IGF1R: variants seen among roughly 807,000 people sequenced by gnomAD.
IGF1R encodes insulin like growth factor 1 receptor.
Under a neutral mutation model 144.6 loss-of-function variants are expected in IGF1R, and 44 were observed. That is an observed-to-expected ratio of 0.30 (90% CI 0.24 to 0.39). The LOEUF is 0.39. IGF1R is among the 10% of genes least tolerant of loss of function. The probability of loss-of-function intolerance (pLI) is 1.00; values close to 1 mark genes in which losing one functional copy is unlikely to be tolerated. For missense variants in IGF1R, 1,355 were observed against 1,833.7 expected, an observed-to-expected ratio of 0.74 and a Z score of 4.77; for synonymous variants, 795 against 722.8, an observed-to-expected ratio of 1.10 and a Z score of -1.60.
At chr15:98,686,134 T>C (rs2053322991) in intron 1 of IGF1R, among the ~76,000 whole-genome samples, 1 of 152,266 alleles carries the variant, frequency 6.6e-6, no homozygotes, top group Non-Finnish European at 1.5e-5. Context: ...ACTCGTACAC[T>C]ATTTGTCCTT....
At chr15:98,654,580 A>C (rs1224342443) in intron 1 of IGF1R, among the ~76,000 whole-genome samples, 2 of 152,198 alleles carry the variant, frequency 1.3e-5, no homozygotes, top group African/African-American at 4.8e-5. Flanking sequence ...ATTGTAAAGC[A>C]TACAAGATAC....
At chr15:98,786,622 C>CT (rs2056004225) in intron 2 of IGF1R, among the ~76,000 whole-genome samples, 1 of 152,184 alleles carries the variant, frequency 6.6e-6, no homozygotes, top group Admixed American at 6.5e-5. Context: ...TCTGTTGCCT[C>CT]TAATACAGTG....
At chr15:98,716,522 C>A (rs1362078564) in intron 2 of IGF1R, among the ~76,000 whole-genome samples, 1 of 152,198 alleles carries the variant, frequency 6.6e-6, no homozygotes, top group Non-Finnish European at 1.5e-5. Context: ...CTAATCTGTA[C>A]CTGCCACTGG....
intron 2 of IGF1R, among the ~76,000 whole-genome samples, chr15:98,874,893 A>G (rs1456105090): frequency 1.3e-5 from 2 of 152,128 alleles, no homozygotes; most frequent in Non-Finnish European, 2.9e-5. Flanking sequence ...TCTCCAGAGC[A>G]CTCCATTTAA....
intron 2 of IGF1R, among the ~76,000 whole-genome samples, chr15:98,872,816 T>G (rs1487593417): frequency 2.0e-5 from 3 of 151,858 alleles, no homozygotes; most frequent in Non-Finnish European, 4.4e-5. Context: ...CTTAAAATTT[T>G]AAACATTGAC....
At chr15:98,751,086 C>T (rs1343310645) in intron 2 of IGF1R, among the ~76,000 whole-genome samples, 1 of 152,148 alleles carries the variant, frequency 6.6e-6, no homozygotes, top group Non-Finnish European at 1.5e-5. Flanking sequence ...CCATCATGCC[C>T]GGCCTTCTTC....
At chr15:98,886,541 T>A (rs185375429) in intron 2 of IGF1R, among the ~76,000 whole-genome samples, 132 of 152,332 alleles carry the variant, frequency 8.7e-4, no homozygotes, top group African/African-American at 3.1e-3. Context: ...ATTTTCCTCC[T>A]ATTTTTAAAA....
At chr15:98,835,108 CA>C (rs1359917108) in intron 2 of IGF1R, among the ~76,000 whole-genome samples, 2,230 of 144,654 alleles carry the variant, frequency 0.015, 24 homozygotes, top group South Asian at 0.021. Context: ...CACACACACA[CA>C]CCCCTACACC....
At chr15:98,781,523 C>A (rs756215524) in intron 2 of IGF1R, among the ~76,000 whole-genome samples, 2 of 152,092 alleles carry the variant, frequency 1.3e-5, no homozygotes, top group Non-Finnish European at 2.9e-5. Context: ...TCTCAGTTTT[C>A]CATTTATATT....
intron 2 of IGF1R, among the ~76,000 whole-genome samples, chr15:98,842,020 C>A (rs1249505857): frequency 1.3e-5 from 2 of 152,128 alleles, no homozygotes; most frequent in East Asian, 3.9e-4. Context: ...AAGCAGTGTT[C>A]TTTTGTGTTT....
At chr15:98,663,584 C>G (rs1057322745) in intron 1 of IGF1R, among the ~76,000 whole-genome samples, 1 of 152,204 alleles carries the variant, frequency 6.6e-6, no homozygotes, top group Non-Finnish European at 1.5e-5. Flanking sequence ...GAAACTGTTT[C>G]AGGTGAGCGC....
At chr15:98,776,798 A>C (rs1295592700) in intron 2 of IGF1R, among the ~76,000 whole-genome samples, 2 of 152,180 alleles carry the variant, frequency 1.3e-5, no homozygotes, top group East Asian at 1.9e-4. Flanking sequence ...TCCACAGATA[A>C]GCCCAAAAGA....
intron 2 of IGF1R, among the ~76,000 whole-genome samples, chr15:98,791,823 G>A (rs1451854455): frequency 1.3e-5 from 2 of 152,220 alleles, no homozygotes; most frequent in Admixed American, 1.3e-4. Flanking sequence ...CATGTTTAAC[G>A]TTCCTGTTAT....
chr15:98,788,894 G>A (rs1567129981), intron 2 of IGF1R, among the ~76,000 whole-genome samples: 1 of 151,970 alleles, frequency 6.6e-6, no homozygotes, highest in Admixed American at 6.5e-5. Context: ...TTTCTCCGTA[G>A]TTATTTCTAG....
Position 98,948,656 on chromosome 15 carries a change from T to C in IGF1R, c.3670T>C (p.Phe1224Leu). 1 of 1,614,188 alleles carries C rather than the reference T, an allele frequency of 6.2e-7. No homozygotes were observed. The highest frequency in any genetic ancestry group is 8.5e-7 in the Non-Finnish European group (1 of 1,180,016). ...CTTGTCCAACGAGCAAGTCCTTCGC[T>C]TCGTCATGGAGGGCGGCCTTCTGGA... ...QGLSNEQVLR[F>L]VMEGGLLDKP... The change falls in exon 20 of 21, where the codon TTC becomes CTC. Residue 1224 changes from phenylalanine to leucine, a missense_variant. By Grantham distance (22) the Phe-to-Leu change is conservative (BLOSUM62 0). Transcript: ENST00000650285.
chr15:98,753,243 TAAA>T lies in IGF1R; in HGVS notation c.640+45137_640+45139del, dbSNP rs527714874. Among the ~76,000 whole-genome samples, 169 of 148,450 alleles carry T rather than the reference TAAA, an allele frequency of 1.1e-3. 1 individual carries two copies. The highest frequency in any genetic ancestry group is 0.01 in the Middle Eastern group (3 of 286). ...ATTACGTCCAGCCTTTTTTTTTTTT[TAAA>T]TAAAGAGGGTCTCAGGCTGGCGTGC... On this transcript the variant is annotated intron_variant, in intron 2 of 20. Transcript: ENST00000650285.
Position 98,707,776 on chromosome 15 carries a change from C to T in IGF1R, c.309C>T (p.Leu103=), listed in dbSNP as rs1214386898. ...GCCTCGGAGACCTCTTCCCCAACCT[C>T]ACGGTCATCCGCGGCTGGAAACTCT... ...LESLGDLFPN[L]TVIRGWKLFY... Residue 103 remains leucine (L), a synonymous_variant, in exon 2 of 21, where the codon CTC becomes CTT. Coordinates refer to ENST00000650285, the MANE Select transcript of IGF1R (RefSeq NM_000875.5). The surrounding 1 kb of genome is among the most constrained non-coding windows in gnomAD (Gnocchi z 6.7). 1 of 1,614,078 alleles carries T rather than the reference C, an allele frequency of 6.2e-7. No homozygotes were observed. Among genetic ancestry groups the T allele is most frequent in the Non-Finnish European group, 8.5e-7 (1 of 1,180,040 alleles).
At chr15:98,923,777 T>G in intron 11 of IGF1R, 99 bp from the exon 12 acceptor site, 1 of 958,818 alleles carries the variant, frequency 1.0e-6, no homozygotes. Context: ...TCCACTGTCC[T>G]GCCCGTGTGG....
At chr15:98,813,808 CCTGA>C (rs1325163056) in intron 2 of IGF1R, among the ~76,000 whole-genome samples, 9 of 152,190 alleles carry the variant, frequency 5.9e-5, no homozygotes, top group Non-Finnish European at 1.0e-4. Context: ...TGGAGAGGAG[CCTGA>C]CTATCAAGAG....
Sources: allele counts gnomAD v4.1 joint callset (sites outside exome capture counted in the v4.1 genomes callset), GRCh38; gene constraint gnomAD v4.1.1; non-coding constraint Gnocchi (gnomAD v3.1); transcripts MANE v1.5; gene names NCBI Gene and HGNC (gene_info 2026-07-23, HGNC 2026-07-21).